SPHKAP: variants seen among roughly 807,000 people sequenced by gnomAD.
SPHKAP encodes A-kinase anchor protein SPHKAP.
SPHKAP carries 67 observed loss-of-function variants against 137.5 expected under a neutral mutation model. The ratio of observed to expected loss-of-function variants is 0.49; its 90% CI spans 0.40 to 0.60. The LOEUF is 0.60. Ranked by LOEUF, SPHKAP falls within the 20% of genes least tolerant of loss-of-function variation. SPHKAP has a pLI of 0.00. For synonymous variants in SPHKAP, 813 were observed against 785.3 expected (o/e 1.04, Z -0.59); for missense variants, 2,097 against 2,069.3 (o/e 1.01, Z -0.26).
intron 3 of SPHKAP, among the ~76,000 whole-genome samples, chr2:228,059,093 C>T (rs553179829): frequency 2.2e-4 from 33 of 152,212 alleles, no homozygotes; most frequent in African/African-American, 7.7e-4. Flanking sequence ...AATGCATTTG[C>T]GTTGTATTCA....
intron 2 of SPHKAP, among the ~76,000 whole-genome samples, chr2:228,115,128 G>T (rs971941511): frequency 2.6e-5 from 4 of 152,126 alleles, no homozygotes; most frequent in Non-Finnish European, 5.9e-5. Flanking sequence ...CTTATAGTTT[G>T]CTCATCAGTG....
At position 228,018,820 on chromosome 2, in the gene SPHKAP, A is replaced by T. The variant is rs765457584; in HGVS notation, c.2034T>A (p.His678Gln). The T allele has an allele frequency of 1.9e-6, 3 of 1,614,076 alleles. No individual in the cohort carries two copies. The highest frequency in any genetic ancestry group is 2.5e-6 in the Non-Finnish European group (3 of 1,180,042). Residue 678 changes from histidine (H) to glutamine (Q), a missense_variant, in exon 7 of 12, where the codon CAT becomes CAA. Coordinates refer to ENST00000392056, the MANE Select transcript of SPHKAP (RefSeq NM_001142644.2). ...TTTTGTGGTGAACTTCATCAATGGA[A>T]TGCCTCAGGATAACATTGGACAGGG... ...AHTLSNVILR[H>Q]SIDEVHHKNM...
At chr2:228,020,408 G>A (rs976402044) in intron 6 of SPHKAP, among the ~76,000 whole-genome samples, 7 of 152,212 alleles carry the variant, frequency 4.6e-5, no homozygotes, top group African/African-American at 4.8e-5. Context: ...ATGAGTTCAT[G>A]TCATTTGTAG....
chr2:228,071,462 T>C (rs1406847331), intron 3 of SPHKAP, among the ~76,000 whole-genome samples: 3 of 152,236 alleles, frequency 2.0e-5, no homozygotes, highest in Non-Finnish European at 4.4e-5. Context: ...AAACCATTCT[T>C]TGCTGGCACT....
chr2:228,144,247 A>G (rs754882526), intron 1 of SPHKAP, among the ~76,000 whole-genome samples: 6 of 152,142 alleles, frequency 3.9e-5, no homozygotes, highest in Non-Finnish European at 7.4e-5. Flanking sequence ...CCAATGTTCT[A>G]TAGAATGTAT....
At chr2:228,083,664 C>G (rs938045989) in intron 3 of SPHKAP, among the ~76,000 whole-genome samples, 3 of 152,062 alleles carry the variant, frequency 2.0e-5, no homozygotes, top group Non-Finnish European at 2.9e-5. Flanking sequence ...TTCACAATAG[C>G]AAAGACTTGG....
rs1437904766 is a variant in SPHKAP at position 228,016,387 on chromosome 2, T to C, written c.4448+19A>G. 1.1e-5 allele frequency: 17 copies of C among 1,560,292 alleles called. No individual in the cohort carries two copies. Among genetic ancestry groups the C allele is most frequent in the Non-Finnish European group, 1.5e-5 (17 of 1,158,560 alleles). On this transcript the variant is annotated intron_variant, in intron 7 of 11. Transcript: ENST00000392056. ...CTCCAGTCACATGCACCCTATGTAG[T>C]CTGAGACGATTCACTCACCTATGGA...
intron 1 of SPHKAP, among the ~76,000 whole-genome samples, chr2:228,159,672 T>A (rs139471421): frequency 5.0e-4 from 76 of 152,260 alleles, no homozygotes; most frequent in Non-Finnish European, 1.0e-3. Context: ...AAAATGGAGA[T>A]CTGGGCCTAG....
At chr2:228,125,928 G>T (rs1050371747) in intron 2 of SPHKAP, among the ~76,000 whole-genome samples, 3 of 152,016 alleles carry the variant, frequency 2.0e-5, no homozygotes, top group African/African-American at 7.2e-5. Flanking sequence ...AATACAAAAA[G>T]AATTAGCTGG....
chr2:228,098,627 G>C (rs1044884314), intron 3 of SPHKAP, among the ~76,000 whole-genome samples: 1 of 152,090 alleles, frequency 6.6e-6, no homozygotes, highest in African/African-American at 2.4e-5. Flanking sequence ...TGGTGGGGTG[G>C]GGGAGGGATA....
chr2:228,157,890 G>A (rs1002922980), intron 1 of SPHKAP, among the ~76,000 whole-genome samples: 1 of 152,118 alleles, frequency 6.6e-6, no homozygotes, highest in Admixed American at 6.6e-5. Flanking sequence ...AAAAAAAAAT[G>A]TCACCAAGGA....
intron 2 of SPHKAP, among the ~76,000 whole-genome samples, chr2:228,131,065 G>A (rs1184568214): frequency 6.6e-6 from 1 of 151,892 alleles, no homozygotes; most frequent in Non-Finnish European, 1.5e-5. Flanking sequence ...CACACAAGCA[G>A]AGAATTATTA....
chr2:228,042,384 T>C (rs1695886825), intron 3 of SPHKAP, among the ~76,000 whole-genome samples: 2 of 152,186 alleles, frequency 1.3e-5, no homozygotes, highest in Non-Finnish European at 1.5e-5. Context: ...AGATAATGGC[T>C]TTATTCAGAT....
chr2:228,072,260 T>C (rs1697028021), intron 3 of SPHKAP, among the ~76,000 whole-genome samples: 1 of 152,204 alleles, frequency 6.6e-6, no homozygotes, highest in African/African-American at 2.4e-5. Flanking sequence ...TCATGAAACT[T>C]CTCAGTCTCC....
intron 2 of SPHKAP, among the ~76,000 whole-genome samples, chr2:228,129,109 T>G (rs975744051): frequency 6.6e-6 from 1 of 152,186 alleles, no homozygotes; most frequent in Non-Finnish European, 1.5e-5. Context: ...TGGGTGCAGT[T>G]CATGGCTTCC....
At chr2:228,071,836 A>T (rs1225592845) in intron 3 of SPHKAP, among the ~76,000 whole-genome samples, 1 of 152,114 alleles carries the variant, frequency 6.6e-6, no homozygotes, top group Non-Finnish European at 1.5e-5. Flanking sequence ...CCAGTTAGCT[A>T]AAGAATCCCC....
chr2:228,101,473 A>T (rs1698180291), intron 3 of SPHKAP, among the ~76,000 whole-genome samples: 1 of 152,152 alleles, frequency 6.6e-6, no homozygotes, highest in South Asian at 2.1e-4. Flanking sequence ...TTATTTCACT[A>T]TTCCTATACT....
At chr2:228,146,818 G>T (rs1699790240) in intron 1 of SPHKAP, among the ~76,000 whole-genome samples, 1 of 152,156 alleles carries the variant, frequency 6.6e-6, no homozygotes, top group Non-Finnish European at 1.5e-5. Context: ...TGAGCATATA[G>T]GTTCATTCCA....
Position 228,018,273 on chromosome 2 carries a change from T to A in SPHKAP, c.2581A>T (p.Arg861Trp). Residue 861 changes from arginine to tryptophan, a missense_variant, in exon 7 of 12, where the codon AGG (arginine) becomes TGG (tryptophan). Coordinates refer to ENST00000392056, the MANE Select transcript of SPHKAP (RefSeq NM_001142644.2). ...CTGGACTGGCTGACCGTTGGGGACCTTTGTCCTTCGGAAGAGGCTCTGCAT... is the reference window on the plus strand; with the variant it reads ...CTGGACTGGCTGACCGTTGGGGACCATTGTCCTTCGGAAGAGGCTCTGCAT... ...NECRASSEGQ[R>W]SPTVSQSRSG... The A allele has an allele frequency of 6.2e-7, 1 of 1,614,190 alleles. No homozygotes were observed. Among genetic ancestry groups the A allele is most frequent in the South Asian group, 1.1e-5 (1 of 91,080 alleles).
Sources: gnomAD v4.1 joint callset for allele counts (sites outside exome capture counted in the v4.1 genomes callset) on GRCh38, gnomAD v4.1.1 for gene constraint, MANE v1.5 for transcripts, NCBI Gene and HGNC (gene_info 2026-07-23, HGNC 2026-07-21) for gene names.